NKAIN4: variants seen among roughly 807,000 people sequenced by gnomAD.
The protein encoded by NKAIN4 is sodium/potassium-transporting ATPase subunit beta-1-interacting protein 4.
NKAIN4 carries 28 observed loss-of-function variants against 28.8 expected under a neutral mutation model. The ratio of observed to expected loss-of-function variants is 0.97; its 90% CI spans 0.72 to 1.33. The LOEUF (loss-of-function observed/expected upper bound fraction) is 1.33. NKAIN4 is among the 40% of genes most tolerant of loss of function. The probability of loss-of-function intolerance (pLI) is 0.00; values close to 1 mark genes in which losing one functional copy is unlikely to be tolerated. For synonymous variants in NKAIN4, 122 were observed against 115.6 expected, an observed-to-expected ratio of 1.06 and a Z score of -0.36; for missense variants, 289 against 277.2, an observed-to-expected ratio of 1.04 and a Z score of -0.30.
intron 2 of NKAIN4, 100 bp downstream of exon 2, chr20:63,249,835 A>T: frequency 7.8e-7 from 1 of 1,283,560 alleles, no homozygotes; most frequent in Non-Finnish European, 1.1e-6. Context: ...TGGGGTGTTC[A>T]GTGGTGTCCA....
intron 6 of NKAIN4, 95 bp downstream of exon 6, chr20:63,242,444 G>A: frequency 2.4e-6 from 2 of 818,256 alleles, no homozygotes; most frequent in Admixed American, 1.8e-5. Flanking sequence ...CGGACAGGCA[G>A]GTGCCTGGTG....
intron 5 of NKAIN4, 38 bp from the exon 6 acceptor site, chr20:63,242,661 A>T: frequency 6.7e-7 from 1 of 1,500,042 alleles, no homozygotes; most frequent in Non-Finnish European, 9.3e-7. Context: ...CAAAACCTAC[A>T]CAATGGAAAA....
chr20:63,254,481 G>A (rs1023996499), upstream of NKAIN4: 43 of 1,293,532 alleles, frequency 3.3e-5, no homozygotes, highest in Admixed American at 4.1e-5. Context: ...GCCCCCGGGT[G>A]CCCCGCGCTC....
In NKAIN4 at chr20:63,254,422, A is replaced by G; in HGVS notation, c.29T>C (p.Leu10Pro). Residue 10 changes from leucine (L) to proline (P), a missense_variant, in exon 1 of 7, where the codon CTC (leucine) becomes CCC (proline). Physicochemically the swap from Leu to Pro is moderately conservative, Grantham distance 98. Coordinates refer to ENST00000370316, the MANE Select transcript of NKAIN4 (RefSeq NM_152864.4). ...CAGCTGAAAAGCGCAGAGGACGACG[A>G]GCGCGCAGCGGCCGGAGCAGGAGCC... MGSCSGRCA[L>P]VVLCAFQLVA... 6.9e-7 allele frequency: 1 copy of G among 1,442,768 alleles called. No individual in the cohort carries two copies. 89.4% of individuals were successfully genotyped at this position (1,442,768 alleles called of 1,614,324 possible).
At chr20:63,243,305 T>C (rs948930572) in intron 5 of NKAIN4, among the ~76,000 whole-genome samples, 1 of 152,092 alleles carries the variant, frequency 6.6e-6, no homozygotes, top group Non-Finnish European at 1.5e-5. Context: ...AGGCCTGGTC[T>C]GAGGGTAGGG....
intron 6 of NKAIN4, 46 bp from the exon 7 acceptor site, chr20:63,241,552 C>T (rs746109378): frequency 3.1e-5 from 47 of 1,539,504 alleles, no homozygotes; most frequent in Admixed American, 1.2e-4. Context: ...AGGGCTGGGG[C>T]AGCCACTGGG....
chr20:63,242,506 G>A (rs1432010471), intron 6 of NKAIN4, 33 bp downstream of exon 6: 10 of 1,525,728 alleles, frequency 6.6e-6, no homozygotes, highest in Non-Finnish European at 9.1e-6. Context: ...TGGCCAGGCT[G>A]GCCGCAGAGC....
intron 1 of NKAIN4, chr20:63,253,528 G>A (rs569511584): frequency 1.0e-6 from 1 of 985,162 alleles, no homozygotes; most frequent in South Asian, 4.7e-5. Flanking sequence ...GTCCAGCTGC[G>A]CTCCGCAGCC....
Position 63,249,919 on chromosome 20 carries a change from C to T in NKAIN4, c.192+16G>A, listed in dbSNP as rs765322858. ...CAACCCACCTGCCCATAAAGAGGGC[C>T]GGGCCCAGGACTCACCACCATGACA... On this transcript the variant is annotated intron_variant, in intron 2 of 6. Transcript: ENST00000370316. 1.1e-5 allele frequency: 18 copies of T among 1,603,036 alleles called. No homozygotes were observed. The highest frequency in any genetic ancestry group is 1.4e-5 in the Non-Finnish European group (17 of 1,175,756).
In NKAIN4 at chr20:63,248,885, C is replaced by G. The variant is rs999006502; in HGVS notation, c.203G>C (p.Trp68Ser). Residue 68 changes from tryptophan (W) to serine (S), a missense_variant, in exon 3 of 7, where the codon TGG (tryptophan) becomes TCG (serine). By Grantham distance (177) the Trp-to-Ser change is radical. Coordinates refer to ENST00000370316, the MANE Select transcript of NKAIN4 (RefSeq NM_152864.4). The part of the protein sequence containing the change: ...RLRYVMVYTL[W>S]AAVWVTWNVF... ...GTTCCAGGTGACCCAGACGGCTGCCCACAGCGTGTACTAGGGAGAGGAGAG... is the reference window on the plus strand; with the variant it reads ...GTTCCAGGTGACCCAGACGGCTGCCGACAGCGTGTACTAGGGAGAGGAGAG... 7 of 1,612,070 alleles carry G rather than the reference C, an allele frequency of 4.3e-6. No homozygotes were observed. Among genetic ancestry groups the G allele is most frequent in the Non-Finnish European group, 5.1e-6 (6 of 1,179,416 alleles).
intron 4 of NKAIN4, chr20:63,247,243 C>G (rs945241201): frequency 1.6e-6 from 2 of 1,246,294 alleles, no homozygotes; most frequent in African/African-American, 3.1e-5. Flanking sequence ...AGATGCATGC[C>G]CCTCCTCCTT....
At chr20:63,250,352 G>A (rs973267209) in intron 1 of NKAIN4, among the ~76,000 whole-genome samples, 2 of 152,136 alleles carry the variant, frequency 1.3e-5, no homozygotes, top group South Asian at 2.1e-4. Context: ...GTCTGTCCCC[G>A]GTGAGCGTTC....
chr20:63,246,487 G>A, intron 4 of NKAIN4: 9 of 984,814 alleles, frequency 9.1e-6, no homozygotes, highest in Non-Finnish European at 1.1e-5. Context: ...CCAGAGCAGA[G>A]CCCAGGAAGG....
chr20:63,254,639 C>T (rs1219345552), upstream of NKAIN4: 3 of 420,482 alleles, frequency 7.1e-6, no homozygotes, highest in East Asian at 1.2e-4. Context: ...CCACCCCCGC[C>T]TGCGGCCCCT....
intron 6 of NKAIN4, among the ~76,000 whole-genome samples, chr20:63,242,244 C>T (rs541173577): frequency 6.6e-6 from 1 of 152,274 alleles, no homozygotes; most frequent in East Asian, 1.9e-4. Flanking sequence ...TCAGGACACC[C>T]TTGCGGCCCC....
chr20:63,252,819 G>C lies in NKAIN4; in HGVS notation c.54+1578C>G, dbSNP rs950848904. Reference sequence around the variant, plus strand: ...CATCTGTCTACTGTCCACCGCAGAGGTGAAACGGGAACATGACCCCACCCG... The same window carrying C: ...CATCTGTCTACTGTCCACCGCAGAGCTGAAACGGGAACATGACCCCACCCG... On this transcript the variant is annotated intron_variant, in intron 1 of 6. Coordinates refer to ENST00000370316, the MANE Select transcript of NKAIN4 (RefSeq NM_152864.4). The surrounding 1 kb of genome is among the most constrained non-coding windows in gnomAD (Gnocchi z 4.6). 2.0e-5 allele frequency among the ~76,000 whole-genome samples: 3 copies of C among 152,154 alleles called. No homozygotes were observed. The highest frequency in any genetic ancestry group is 2.0e-4 in the Admixed American group (3 of 15,284).
intron 3 of NKAIN4, 147 bp downstream of exon 3, chr20:63,248,668 G>A: frequency 1.6e-6 from 1 of 641,296 alleles, no homozygotes; most frequent in Non-Finnish European, 2.8e-6. Flanking sequence ...TACAGACCAG[G>A]GCTGTTCTGG....
intron 5 of NKAIN4, among the ~76,000 whole-genome samples, chr20:63,242,917 G>A (rs1050375621): frequency 4.6e-5 from 7 of 151,202 alleles, no homozygotes; most frequent in Admixed American, 1.3e-4. Flanking sequence ...AGGACAGCCC[G>A]GGTCCTCGGC....
intron 4 of NKAIN4, chr20:63,244,336 A>C: frequency 3.5e-6 from 2 of 568,932 alleles, no homozygotes; most frequent in Non-Finnish European, 3.3e-6. Context: ...GGGTGAGGAT[A>C]ATGGATATTG....
Sources: gnomAD v4.1 joint callset for allele counts (sites outside exome capture counted in the v4.1 genomes callset) on GRCh38, gnomAD v4.1.1 for gene constraint, Gnocchi (gnomAD v3.1) non-coding constraint, MANE v1.5 for transcripts, NCBI Gene and HGNC (gene_info 2026-07-23, HGNC 2026-07-21) for gene names.